The following KCNH5 variants were observed in gnomAD, a reference collection of about 807,000 sequenced individuals.
The protein encoded by KCNH5 is potassium voltage-gated channel subfamily H member 5, also known as voltage-gated delayed rectifier potassium channel KCNH5.
In KCNH5, 46 loss-of-function variants were observed where a neutral mutation model predicts 96.1. The observed-to-expected ratio is 0.48, with a 90% CI of 0.38 to 0.61. The LOEUF (loss-of-function observed/expected upper bound fraction) is 0.61, where lower values mean the gene tolerates loss of function less well. KCNH5 is among the 20% of genes least tolerant of loss of function. KCNH5 has a pLI of 0.00. For synonymous variants in KCNH5, 439 were observed against 449.8 expected (o/e 0.98, Z 0.30); for missense variants, 907 against 1,225.8 (o/e 0.74, Z 3.88).
chr14:62,983,749 C>T (rs1047087671), intron 5 of KCNH5, among the ~76,000 whole-genome samples: 5 of 152,168 alleles, frequency 3.3e-5, no homozygotes, highest in African/African-American at 9.7e-5. Context: ...AGACTCCACC[C>T]TGGAGAATGA....
intron 1 of KCNH5, among the ~76,000 whole-genome samples, chr14:63,028,618 T>C (rs1891569124): frequency 6.6e-6 from 1 of 152,134 alleles, no homozygotes; most frequent in Non-Finnish European, 1.5e-5. Context: ...CTCTTTTTTT[T>C]GCTTTAGATG....
chr14:62,979,767 A>G (rs1890571151), intron 6 of KCNH5, among the ~76,000 whole-genome samples: 1 of 152,198 alleles, frequency 6.6e-6, no homozygotes, highest in Admixed American at 6.5e-5. Context: ...ATCATCCACT[A>G]TTAAGTTAGA....
At chr14:63,009,383 G>T (rs932161726) in intron 2 of KCNH5, among the ~76,000 whole-genome samples, 3 of 152,134 alleles carry the variant, frequency 2.0e-5, no homozygotes, top group African/African-American at 7.2e-5. Context: ...ACCTCCATTA[G>T]TTAGTCCTTC....
intron 10 of KCNH5, among the ~76,000 whole-genome samples, chr14:62,728,312 G>A (rs567533402): frequency 6.0e-5 from 9 of 150,810 alleles, no homozygotes; most frequent in Non-Finnish European, 1.0e-4. Context: ...GCTTGAACTC[G>A]GGAGGCAGAG....
chr14:62,811,247 C>A (rs1886867807), intron 8 of KCNH5, among the ~76,000 whole-genome samples: 2 of 152,102 alleles, frequency 1.3e-5, no homozygotes, highest in South Asian at 4.1e-4. Context: ...ATTATCATGT[C>A]ATCTCTGTTT....
rs61033705 is a variant in KCNH5, at chr14:62,910,941, A to ACACACACACACACCCC, written c.1369+39191_1369+39192insGGGGTGTGTGTGTGTG. Among the ~76,000 whole-genome samples, 5 of 140,784 alleles carry ACACACACACACACCCC rather than the reference A, an allele frequency of 3.6e-5. No individual in the cohort carries two copies. The East Asian group carries it at 8.5e-4, about 24-fold the overall frequency. 92.4% of individuals were successfully genotyped at this position (140,784 alleles called of 152,430 possible). A position where few individuals can be genotyped will look rare whatever the true frequency, so the allele number is the denominator to read the frequency against. On this transcript the variant is annotated intron_variant, in intron 7 of 10. Coordinates refer to ENST00000322893, the MANE Select transcript of KCNH5 (RefSeq NM_139318.5). ...CACACACACACACACACACACACAC[A>ACACACACACACACCCC]CCCCTCTGTTGTTCTGTCATCCTAT...
intron 8 of KCNH5, among the ~76,000 whole-genome samples, chr14:62,833,570 T>C (rs952983789): frequency 1.3e-5 from 2 of 152,076 alleles, no homozygotes; most frequent in African/African-American, 4.8e-5. Context: ...GTGTAATGCC[T>C]TTAGCTTTGT....
At chr14:62,712,636 A>C in intron 10 of KCNH5, 1 of 770,288 alleles carries the variant, frequency 1.3e-6, no homozygotes, top group Non-Finnish European at 2.4e-6. Context: ...GGATAGATGA[A>C]TGGGTGAAGT....
At chr14:62,960,338 G>A (rs1042741727) in intron 6 of KCNH5, among the ~76,000 whole-genome samples, 4 of 152,128 alleles carry the variant, frequency 2.6e-5, no homozygotes, top group African/African-American at 9.7e-5. Flanking sequence ...GATTGTGCAT[G>A]TGTATCATGT....
chr14:62,977,439 T>C (rs1214781724), intron 6 of KCNH5, among the ~76,000 whole-genome samples: 2 of 152,006 alleles, frequency 1.3e-5, no homozygotes, highest in Non-Finnish European at 2.9e-5. Flanking sequence ...ATTGTGAGAA[T>C]GAGGTGATGA....
At chr14:62,833,512 C>A (rs1019688951) in intron 8 of KCNH5, among the ~76,000 whole-genome samples, 1 of 151,982 alleles carries the variant, frequency 6.6e-6, no homozygotes, top group African/African-American at 2.4e-5. Flanking sequence ...ATGCCAGGAC[C>A]ATACTGTTTT....
chr14:62,948,689 G>T (rs552209818), intron 7 of KCNH5, among the ~76,000 whole-genome samples: 3 of 151,224 alleles, frequency 2.0e-5, no homozygotes, highest in South Asian at 2.1e-4. Context: ...TACCAAAGCC[G>T]GGCAGAGACA....
intron 7 of KCNH5, among the ~76,000 whole-genome samples, chr14:62,937,618 G>C (rs1195491722): frequency 6.6e-6 from 1 of 152,196 alleles, no homozygotes; most frequent in African/African-American, 2.4e-5. Flanking sequence ...TTTCGGAAAG[G>C]AGGAGAACGT....
intron 7 of KCNH5, among the ~76,000 whole-genome samples, chr14:62,909,784 T>C (rs1889114233): frequency 6.6e-6 from 1 of 152,076 alleles, no homozygotes; most frequent in Non-Finnish European, 1.5e-5. Flanking sequence ...ATGCCATACC[T>C]CTGCTTAGAA....
intron 1 of KCNH5, among the ~76,000 whole-genome samples, chr14:63,020,175 TTGA>T (rs1235682359): frequency 1.3e-5 from 2 of 152,144 alleles, no homozygotes. Flanking sequence ...TACAACATTG[TTGA>T]TGAGAATCAA....
At chr14:62,953,277 G>A (rs1890041115) in intron 6 of KCNH5, among the ~76,000 whole-genome samples, 3 of 151,824 alleles carry the variant, frequency 2.0e-5, no homozygotes, top group Non-Finnish European at 2.9e-5. Flanking sequence ...TCCAACTGAC[G>A]CCCTCTCAAA....
chr14:62,859,237 G>A (rs1343370800), intron 7 of KCNH5, among the ~76,000 whole-genome samples: 2 of 152,164 alleles, frequency 1.3e-5, no homozygotes, highest in Admixed American at 6.5e-5. Context: ...GCCATATCGA[G>A]GGCTCGGTGT....
intron 8 of KCNH5, among the ~76,000 whole-genome samples, chr14:62,840,566 CTTTTTTTTTTTTTT>C (rs71120238): frequency 1.0e-4 from 8 of 76,368 alleles, no homozygotes; most frequent in Non-Finnish European, 1.8e-4. Flanking sequence ...TCTTTTTTTT[CTTTTTTTTTTTTTT>C]TTTTTTTTTG....
intron 9 of KCNH5, among the ~76,000 whole-genome samples, chr14:62,799,669 T>G (rs1320848608): frequency 3.1e-5 from 4 of 127,036 alleles, no homozygotes; most frequent in African/African-American, 1.1e-4. Context: ...TATACATATA[T>G]ATCTTTTCTA....
Sources: allele counts gnomAD v4.1 joint callset (sites outside exome capture counted in the v4.1 genomes callset), GRCh38; gene constraint gnomAD v4.1.1; transcripts MANE v1.5; gene names NCBI Gene and HGNC (gene_info 2026-07-23, HGNC 2026-07-21).